VWA3B: variants seen among roughly 807,000 people sequenced by gnomAD.
VWA3B encodes von Willebrand factor A domain containing 3B.
In VWA3B, 138 loss-of-function variants were observed where a neutral mutation model predicts 158.3. That is an observed-to-expected ratio of 0.87 (90% CI 0.76 to 1.00). The LOEUF is 1.00. VWA3B is among the 50% of genes least tolerant of loss of function. The pLI is 0.00. For missense variants in VWA3B, 1,555 were observed against 1,565.1 expected (o/e 0.99, Z 0.11); for synonymous variants, 596 against 587.3 (o/e 1.01, Z -0.21).
chr2:98,119,541 A>C lies in VWA3B; in HGVS notation c.320A>C (p.Gln107Pro). The change falls in exon 4 of 28, where the codon CAG (glutamine) becomes CCG (proline). Residue 107 changes from glutamine (Q) to proline (P), a missense_variant. Gln to Pro is a moderately conservative substitution (Grantham distance 76). Transcript: ENST00000477737. ...NLTAKSELIY[Q>P]FVEHLTQAVE... ...ACAGCTAAATCAGAACTGATTTATC[A>C]GTTTGTGGAACATTTAACACAAGCT... The C allele has an allele frequency of 1.2e-6, 2 of 1,614,028 alleles. No homozygotes were observed. The highest frequency in any genetic ancestry group is 1.1e-5 in the South Asian group (1 of 91,080).
chr2:98,325,642 T>A, the VWA3B span, among the ~76,000 whole-genome samples: 1 of 152,228 alleles, frequency 6.6e-6, no homozygotes, highest in African/African-American at 2.4e-5. Flanking sequence ...TCAAATATTT[T>A]TCTGTGTATT....
rs371649688 is a variant in VWA3B, at chr2:98,312,337, T to C, written c.3873T>C (p.Pro1291=). The stretch of plus-strand genomic sequence containing the variant: ...GCAGCAAAGGGCTGAGGAGCGTCCC[T>C]GAGACACTTTAAGGCCGTCTGGTGG... The part of the protein sequence containing the change: ...THSSKGLRSV[P]ETL Residue 1291 remains proline, a synonymous_variant, in exon 28 of 28, where the codon CCT becomes CCC. Transcript: ENST00000477737. 2.5e-6 allele frequency: 4 copies of C among 1,611,874 alleles called. No homozygotes were observed. In the African/African-American group the frequency reaches 4.0e-5, roughly 16 times the overall value.
intron 2 of VWA3B, among the ~76,000 whole-genome samples, chr2:98,111,482 T>C (rs984449202): frequency 5.9e-5 from 9 of 152,216 alleles, no homozygotes; most frequent in African/African-American, 2.2e-4. Context: ...CATCCTGTTT[T>C]CCATAGAGGT....
At chr2:98,329,756 T>A in the VWA3B span, among the ~76,000 whole-genome samples, 2 of 152,198 alleles carry the variant, frequency 1.3e-5, no homozygotes, top group African/African-American at 4.8e-5. Flanking sequence ...TCCTAGATAA[T>A]CTGGGTGGGC....
chr2:98,127,318 TC>T (rs1675442155), intron 5 of VWA3B, among the ~76,000 whole-genome samples: 1 of 152,084 alleles, frequency 6.6e-6, no homozygotes, highest in African/African-American at 2.4e-5. Context: ...CTGCATTATC[TC>T]CCTTTTAACA....
At position 98,183,428 on chromosome 2, in the gene VWA3B, G is replaced by A. The variant is rs17028309; in HGVS notation, c.1311+2216G>A. Among the ~76,000 whole-genome samples the A allele has an allele frequency of 2.3e-3, 354 of 152,154 alleles. 13 individuals are homozygous for A. The East Asian group carries it at 0.059, about 25-fold the overall frequency. ...TTATAGGAACAGACCCAGGAAACTC[G>A]TTAACACAGAAATGAATGGCTAAAA... On this transcript the variant is annotated intron_variant, in intron 9 of 27. Transcript: ENST00000477737.
chr2:98,211,824 A>G, intron 12 of VWA3B, 106 bp from the exon 13 acceptor site: 1 of 883,700 alleles, frequency 1.1e-6, no homozygotes, highest in East Asian at 2.5e-5. Context: ...TTTATCTTTC[A>G]TCTCATAGGT....
intron 2 of VWA3B, among the ~76,000 whole-genome samples, chr2:98,108,119 T>G (rs527716744): frequency 6.6e-6 from 1 of 152,126 alleles, no homozygotes; most frequent in Non-Finnish European, 1.5e-5. Context: ...CTTTGACTTA[T>G]GGACTTTTAG....
At position 98,192,953 on chromosome 2, in the gene VWA3B, T is replaced by C. The variant is rs1681723016; in HGVS notation, c.1522T>C (p.Cys508Arg). The C allele has an allele frequency of 1.2e-6, 2 of 1,614,200 alleles. No individual in the cohort carries two copies. The highest frequency in any genetic ancestry group is 1.7e-6 in the Non-Finnish European group (2 of 1,180,028). Residue 508 changes from cysteine to arginine, a missense_variant, in exon 11 of 28, where the codon TGC becomes CGC. By Grantham distance (180) the Cys-to-Arg change is radical. Coordinates refer to ENST00000477737, the MANE Select transcript of VWA3B (RefSeq NM_144992.5). ...CCTCTTTGGAAGATTGCATAATGAT[T>C]GCATCTACATTCTCATTGACACGTC... ...QSLFGRLHND[C>R]IYILIDTSHS...
intron 7 of VWA3B, among the ~76,000 whole-genome samples, chr2:98,135,288 C>A (rs1676175077): frequency 6.6e-6 from 1 of 151,768 alleles, no homozygotes; most frequent in Non-Finnish European, 1.5e-5. Flanking sequence ...TCTTACCAAC[C>A]CTTTGAAGCA....
chr2:98,271,037 T>C (rs1442467430), intron 22 of VWA3B, among the ~76,000 whole-genome samples, 154 bp downstream of exon 22: 1 of 152,194 alleles, frequency 6.6e-6, no homozygotes, highest in Non-Finnish European at 1.5e-5. Context: ...AGTACTTTTT[T>C]TCATCATAAA....
At chr2:98,132,987 C>T (rs746601678) in intron 6 of VWA3B, among the ~76,000 whole-genome samples, 5 of 152,160 alleles carry the variant, frequency 3.3e-5, no homozygotes, top group African/African-American at 4.8e-5. Flanking sequence ...TAGGCAGAGA[C>T]GGAACTCCTG....
At chr2:98,094,278 CT>C (rs1459386899) in intron 2 of VWA3B, among the ~76,000 whole-genome samples, 7 of 152,132 alleles carry the variant, frequency 4.6e-5, no homozygotes, top group Non-Finnish European at 1.0e-4. Flanking sequence ...TGTGGGTATC[CT>C]TTTCTCCATA....
At position 98,256,165 on chromosome 2, in the gene VWA3B, A is replaced by T. The variant is rs1687126783; in HGVS notation, c.2834A>T (p.Glu945Val). The T allele has an allele frequency of 1.2e-6, 2 of 1,611,692 alleles. No homozygotes were observed. The highest frequency in any genetic ancestry group is 1.7e-6 in the Non-Finnish European group (2 of 1,179,518). ...GTTTGGCGAGCATTATCTCAAGAGG[A>T]AAAAGAAAAGTAAGCCATTCCATTC... ...KIVWRALSQE[E>V]KEKLDANKPI... Residue 945 changes from glutamate (E) to valine (V), a missense_variant, in exon 21 of 28, where the codon GAA (glutamate) becomes GTA (valine). By Grantham distance (121) the Glu-to-Val change is moderately radical. Coordinates refer to ENST00000477737, the MANE Select transcript of VWA3B (RefSeq NM_144992.5).
intron 6 of VWA3B, among the ~76,000 whole-genome samples, chr2:98,130,536 C>A (rs183680233): frequency 1.3e-5 from 2 of 151,962 alleles, no homozygotes; most frequent in African/African-American, 4.8e-5. Flanking sequence ...GTCCCTGCAG[C>A]CTTCCGCAGT....
At chr2:98,259,427 T>C (rs1044127347) in intron 21 of VWA3B, among the ~76,000 whole-genome samples, 1 of 151,742 alleles carries the variant, frequency 6.6e-6, no homozygotes, top group African/African-American at 2.4e-5. Flanking sequence ...AAGTATTTAA[T>C]TGTTATATAG....
In VWA3B at chr2:98,199,097, A is replaced by AT. The variant is rs562158261; in HGVS notation, c.1737+4605_1737+4606insT. On this transcript the variant is annotated intron_variant, in intron 12 of 27. Transcript: ENST00000477737. ...GCGAGACTCCGTCTCAAAAAAAAAA[A>AT]AAAATTGAGTTTCTGGATATAAGAA... Among the ~76,000 whole-genome samples the AT allele has an allele frequency of 3.4e-3, 520 of 151,948 alleles. 6 individuals carry two copies. In the Middle Eastern group the frequency reaches 0.051, roughly 15 times the overall value.
rs575533376 is a variant in VWA3B, at chr2:98,152,031, C to A, written c.989-10820C>A. Among the ~76,000 whole-genome samples, 5 of 152,292 alleles carry A rather than the reference C, an allele frequency of 3.3e-5. No individual in the cohort carries two copies. In the South Asian group the frequency reaches 1.0e-3, roughly 32 times the overall value. On this transcript the variant is annotated intron_variant, in intron 7 of 27. Transcript: ENST00000477737. ...ACGATGGATGAATTGTAATTTGGAA[C>A]AAGGGAGTGAATACTGTACTGTTAA... is the stretch of plus-strand genomic sequence containing the variant.
At chr2:98,248,868 T>C (rs1686592536) in intron 19 of VWA3B, among the ~76,000 whole-genome samples, 2 of 17,404 alleles carry the variant, frequency 1.1e-4, no homozygotes, top group African/African-American at 7.4e-4. Context: ...TCTTTCTTTC[T>C]TTCTTTCTTT....
Sources: gnomAD v4.1 joint callset for allele counts (sites outside exome capture counted in the v4.1 genomes callset) on GRCh38, gnomAD v4.1.1 for gene constraint, MANE v1.5 for transcripts, NCBI Gene and HGNC (gene_info 2026-07-23, HGNC 2026-07-21) for gene names.